The following DAO variants were observed in gnomAD, a reference collection of about 807,000 sequenced individuals.
DAO encodes D-amino-acid oxidase.
Under a neutral mutation model 50.1 loss-of-function variants are expected in DAO, and 51 were observed. That is an observed-to-expected ratio of 1.02 (90% confidence interval 0.81 to 1.29). The LOEUF is 1.29. Among genes scored for constraint, DAO ranks in the 50% most tolerant of loss-of-function variants. The pLI, the probability that DAO is intolerant of heterozygous loss-of-function variation, is 0.00. For synonymous variants in DAO, 160 were observed against 166.2 expected, an observed-to-expected ratio of 0.96 and a Z score of 0.29; for missense variants, 436 against 439.4, an observed-to-expected ratio of 0.99 and a Z score of 0.07.
At position 108,889,508 on chromosome 12, in the gene DAO, C is replaced by T. The variant is rs745333504; in HGVS notation, c.349C>T (p.Leu117=). 1 of 1,613,094 alleles carries T rather than the reference C, an allele frequency of 6.2e-7. No individual in the cohort carries two copies. Among genetic ancestry groups the T allele is most frequent in the South Asian group, 1.1e-5 (1 of 91,064 alleles). ...GGACACAGTTCTGGGATTTCGGAAG[C>T]TGACCCCCAGAGAGCTGGATATGTT... ...WKDTVLGFRK[L]TPRELDMFPD... Residue 117 remains leucine (L), a synonymous_variant, in exon 4 of 11, where the codon CTG becomes TTG. Transcript: ENST00000228476.
intron 1 of DAO, among the ~76,000 whole-genome samples, chr12:108,881,781 A>G (rs2039384768): frequency 6.6e-6 from 1 of 151,240 alleles, no homozygotes; most frequent in Admixed American, 6.6e-5. Flanking sequence ...ATTTTTTTGT[A>G]TTTTTGTAGA....
chr12:108,881,162 TCACACACA>T (rs66697500), intron 1 of DAO, among the ~76,000 whole-genome samples: 16 of 139,230 alleles, frequency 1.1e-4, no homozygotes, highest in Non-Finnish European at 1.8e-4. Flanking sequence ...GACATTCTAA[TCACACACA>T]CACACACACA....
intron 1 of DAO, among the ~76,000 whole-genome samples, chr12:108,880,635 AC>A (rs1384268576): frequency 0.012 from 1,764 of 151,592 alleles, 31 homozygotes; most frequent in African/African-American, 0.041. Flanking sequence ...TCTGCAAATA[AC>A]TTCATGAGAA....
At chr12:108,885,948 T>C (rs1327396514) in intron 2 of DAO, among the ~76,000 whole-genome samples, 1 of 152,116 alleles carries the variant, frequency 6.6e-6, no homozygotes, top group African/African-American at 2.4e-5. Flanking sequence ...AGAGATGGAG[T>C]TTCATGTTGG....
Position 108,897,095 on chromosome 12 carries a change from T to C in DAO, c.695+7T>C, listed in dbSNP as rs368493622. ...CCCCGTACATCATCCCAGGGTAAAA[T>C]TGGACTGTTCTCGGGCAGAAGAGTG... is the stretch of plus-strand genomic sequence containing the variant. On this transcript the variant is annotated splice_region_variant and intron_variant, in intron 8 of 10. Coordinates refer to ENST00000228476, the MANE Select transcript of DAO (RefSeq NM_001917.5). The C allele has an allele frequency of 3.1e-6, 5 of 1,608,440 alleles. No homozygotes were observed. In the African/African-American group the frequency reaches 5.3e-5, roughly 17 times the overall value.
chr12:108,894,146 C>A lies in DAO; in HGVS notation c.508-117C>A, dbSNP rs1045104576. On this transcript the variant is annotated intron_variant, in intron 6 of 10. Coordinates refer to ENST00000228476, the MANE Select transcript of DAO (RefSeq NM_001917.5). Reference sequence around the variant, plus strand: ...CCTCTGATTCCTCATTGAGACCTCTCCCCACTGTTCATCAGGGAGTAGACA... The same window carrying A: ...CCTCTGATTCCTCATTGAGACCTCTACCCACTGTTCATCAGGGAGTAGACA... The A allele has an allele frequency of 3.8e-6, 3 of 794,574 alleles. No individual in the cohort carries two copies. The Admixed American group carries it at 6.1e-5, about 16-fold the overall frequency. The allele number at this position is 794,574 out of a possible 1,614,324, so 49.2% of individuals were successfully genotyped here. A position where few individuals can be genotyped will look rare whatever the true frequency, so the allele number is the denominator to read the frequency against.
intron 5 of DAO, among the ~76,000 whole-genome samples, chr12:108,892,560 G>A (rs1049006245): frequency 1.3e-5 from 2 of 152,152 alleles, no homozygotes; most frequent in Admixed American, 6.6e-5. Context: ...CCTCATGCCC[G>A]GCTTCTGACA....
At chr12:108,889,215 C>T (rs2039464119) in intron 3 of DAO, among the ~76,000 whole-genome samples, 1 of 152,052 alleles carries the variant, frequency 6.6e-6, no homozygotes, top group South Asian at 2.1e-4. Flanking sequence ...AAGCAATTCT[C>T]CTGCCTCAAT....
chr12:108,889,673 T>C (rs2039469597), intron 4 of DAO, 128 bp downstream of exon 4: 16 of 741,390 alleles, frequency 2.2e-5, no homozygotes, highest in South Asian at 2.1e-4. Context: ...GGTCTCCTGG[T>C]CCTTGGTCCA....
At chr12:108,900,285 C>A in intron 10 of DAO, 119 bp from the exon 11 acceptor site, 2 of 1,294,254 alleles carry the variant, frequency 1.5e-6, no homozygotes, top group Non-Finnish European at 2.2e-6. Context: ...GCTCAGGTGG[C>A]ATCTGGCTTT....
chr12:108,885,189 C>A lies in DAO; in HGVS notation c.183C>A (p.Asn61Lys). The A allele has an allele frequency of 6.2e-7, 1 of 1,613,074 alleles. No individual in the cohort carries two copies. The change falls in exon 2 of 11, where the codon AAC becomes AAA. Residue 61 changes from asparagine to lysine, a missense_variant. By Grantham distance (94) the Asn-to-Lys change is moderately conservative. Transcript: ENST00000228476. ...LWQPYLSDPN[N>K]PQEADWSQQT... The stretch of plus-strand genomic sequence containing the variant: ...AGCCCTACCTTTCTGACCCCAACAA[C>A]CCACAGGAGGCGTGAGTGAGGGTCA...
chr12:108,892,937 C>A, intron 5 of DAO, 45 bp from the exon 6 acceptor site: 8 of 1,575,596 alleles, frequency 5.1e-6, no homozygotes, highest in Admixed American at 1.7e-5. Flanking sequence ...TGGGATGGGG[C>A]AGATAGCTGA....
intron 4 of DAO, among the ~76,000 whole-genome samples, chr12:108,889,997 G>T (rs1311365034): frequency 6.6e-6 from 1 of 151,940 alleles, no homozygotes; most frequent in Non-Finnish European, 1.5e-5. Context: ...ATCTCCACTT[G>T]CATTTTCCAA....
At chr12:108,889,141 T>C (rs1256990926) in intron 3 of DAO, among the ~76,000 whole-genome samples, 1 of 151,920 alleles carries the variant, frequency 6.6e-6, no homozygotes, top group Non-Finnish European at 1.5e-5. Context: ...AGTCTCGCTC[T>C]GTGGCCCAGG....
In DAO at chr12:108,896,438, AAAAATTG is replaced by A. The variant is rs1348982235; in HGVS notation, c.613-565_613-559del. Among the ~76,000 whole-genome samples, 5 of 151,492 alleles carry A rather than the reference AAAAATTG, an allele frequency of 3.3e-5. 1 individual carries two copies. Among genetic ancestry groups the A allele is most frequent in the African/African-American group, 1.2e-4 (5 of 41,108 alleles). On this transcript the variant is annotated intron_variant, in intron 7 of 10. Coordinates refer to ENST00000228476, the MANE Select transcript of DAO (RefSeq NM_001917.5). Reference sequence around the variant, plus strand: ...CTGTCTCAAAAAAAAAAAAAAAAAAAAAAATTGAAGGTTTGAAGGAAAAAGGAATGGA... The same window carrying A: ...CTGTCTCAAAAAAAAAAAAAAAAAAAAAGGTTTGAAGGAAAAAGGAATGGA...
At chr12:108,894,653 G>A (rs1277966360) in intron 7 of DAO, among the ~76,000 whole-genome samples, 1 of 152,108 alleles carries the variant, frequency 6.6e-6, no homozygotes, top group African/African-American at 2.4e-5. Flanking sequence ...TACCAAGCGC[G>A]AGATACAGTC....
At chr12:108,892,930 G>C in intron 5 of DAO, 52 bp from the exon 6 acceptor site, 1 of 1,550,384 alleles carries the variant, frequency 6.5e-7, no homozygotes, top group South Asian at 1.1e-5. Context: ...CTCTTGGTGG[G>C]ATGGGGCAGA....
chr12:108,898,841 A>G, intron 9 of DAO, 45 bp downstream of exon 9: 1 of 1,365,912 alleles, frequency 7.3e-7, no homozygotes, highest in Non-Finnish European at 1.0e-6. Flanking sequence ...AGGTCGTGGG[A>G]GCTTGGTAAT....
intron 7 of DAO, among the ~76,000 whole-genome samples, chr12:108,895,559 TGAA>T (rs2039543307): frequency 1.3e-5 from 2 of 148,400 alleles, no homozygotes. Context: ...TGCATGTGTG[TGAA>T]GGTGTGTGCG....
Sources: gnomAD v4.1 joint callset for allele counts (sites outside exome capture counted in the v4.1 genomes callset) on GRCh38, gnomAD v4.1.1 for gene constraint, MANE v1.5 for transcripts, NCBI Gene and HGNC (gene_info 2026-07-23, HGNC 2026-07-21) for gene names.